The following ASH1L variants were observed in gnomAD, a reference collection of about 807,000 sequenced individuals.
The protein encoded by ASH1L is histone-lysine N-methyltransferase ASH1L.
A neutral mutation model predicts 269.0 loss-of-function variants in ASH1L; 23 were observed. The observed-to-expected ratio is 0.09, with a 90% CI of 0.06 to 0.12. The LOEUF is 0.12. ASH1L is among the 10% of genes least tolerant of loss of function. The pLI, the probability that ASH1L is intolerant of heterozygous loss-of-function variation, is 1.00. For synonymous variants in ASH1L, 1,187 were observed against 1,253.5 expected (o/e 0.95, Z 1.12); for missense variants, 2,912 against 3,567.8 (o/e 0.82, Z 4.68).
chr1:155,446,878 C>T (rs1288417899), intron 4 of ASH1L, among the ~76,000 whole-genome samples: 3 of 152,256 alleles, frequency 2.0e-5, no homozygotes, highest in African/African-American at 4.8e-5. Context: ...GCTGGGATTA[C>T]AGGCGTGAGC....
At chr1:155,441,871 C>A (rs1242962714) in intron 4 of ASH1L, among the ~76,000 whole-genome samples, 1 of 149,502 alleles carries the variant, frequency 6.7e-6, no homozygotes, top group Admixed American at 6.7e-5. Flanking sequence ...GCTCAAGCGA[C>A]CCTCCCACCT....
At chr1:155,446,654 C>T (rs1481408283) in intron 4 of ASH1L, among the ~76,000 whole-genome samples, 6 of 142,818 alleles carry the variant, frequency 4.2e-5, no homozygotes, top group Non-Finnish European at 7.6e-5. Context: ...CGGAGTCTCG[C>T]TCTGTCGCCT....
intron 4 of ASH1L, 127 bp from the exon 5 acceptor site, chr1:155,439,195 T>C: frequency 3.9e-6 from 4 of 1,025,930 alleles, no homozygotes; most frequent in Non-Finnish European, 5.4e-6. Context: ...ATAGGTAAAT[T>C]GATGGTTTAC....
At chr1:155,384,871 TTCCC>T (rs1483795958) in intron 7 of ASH1L, among the ~76,000 whole-genome samples, 1 of 152,188 alleles carries the variant, frequency 6.6e-6, no homozygotes, top group Non-Finnish European at 1.5e-5. Flanking sequence ...GCCCTTTTTT[TTCCC>T]TCCTTCCATG....
chr1:155,354,482 T>C lies in ASH1L; in HGVS notation c.7204A>G (p.Ile2402Val). 3 of 1,607,128 alleles carry C rather than the reference T, an allele frequency of 1.9e-6. No individual in the cohort carries two copies. The highest frequency in any genetic ancestry group is 1.7e-6 in the Non-Finnish European group (2 of 1,178,292). The change falls in exon 16 of 28, where the codon ATC (isoleucine) becomes GTC (valine). Residue 2402 changes from isoleucine (I) to valine (V), a missense_variant. Transcript: ENST00000392403. ...GTTTCAAATGCCTTACCAGACTTGA[T>C]ATTCCCATCATCTCGGCAGATCCCA... is the stretch of plus-strand genomic sequence containing the variant. ...WNGICRDDGN[I>V]KSDVFMTQFS... is the part of the protein sequence containing the mutation.
intron 1 of ASH1L, among the ~76,000 whole-genome samples, chr1:155,538,079 C>T (rs1241970990): frequency 1.3e-5 from 2 of 151,748 alleles, no homozygotes; most frequent in South Asian, 2.1e-4. Flanking sequence ...GGCTGGAGTG[C>T]TGTGGCACCA....
In ASH1L at chr1:155,498,669, G is replaced by A. The variant is rs137922232; in HGVS notation, c.421-16220C>T. ...TTGGTCAGGCTGGTCTTGAACTCCC[G>A]AACTCAGGTAATCTGCCTGCCTCAG... On this transcript the variant is annotated intron_variant, in intron 2 of 27. Coordinates refer to ENST00000392403, the MANE Select transcript of ASH1L (RefSeq NM_018489.3). Among the ~76,000 whole-genome samples, 61 of 151,838 alleles carry A rather than the reference G, an allele frequency of 4.0e-4. No homozygotes were observed. The East Asian group carries it at 0.011, about 27-fold the overall frequency.
At position 155,480,828 on chromosome 1, in the gene ASH1L, A is replaced by T; in HGVS notation, c.2042T>A (p.Phe681Tyr). Reference sequence around the variant, plus strand: ...TGCAGATACTGCACCCAGTTTTAAAAAAGGCTTATTACTAAATAAACTAGT... The same window carrying T: ...TGCAGATACTGCACCCAGTTTTAAATAAGGCTTATTACTAAATAAACTAGT... ...NFTSLFSNKPFLKLGAVSASD... is the reference protein window; with the variant it reads ...NFTSLFSNKPYLKLGAVSASD... The change falls in exon 3 of 28, where the codon TTT becomes TAT. Residue 681 changes from phenylalanine to tyrosine, a missense_variant. By Grantham distance (22) the Phe-to-Tyr change is conservative. Around this residue, in one of 13 missense-constraint regions of ASH1L, gnomAD observed 715 missense variants for 721.0 expected, o/e 0.99. Coordinates refer to ENST00000392403, the MANE Select transcript of ASH1L (RefSeq NM_018489.3). 1 of 1,614,068 alleles carries T rather than the reference A, an allele frequency of 6.2e-7. No homozygotes were observed. The highest frequency in any genetic ancestry group is 2.2e-5 in the East Asian group (1 of 44,894).
At chr1:155,414,319 T>G (rs1660035930) in intron 6 of ASH1L, among the ~76,000 whole-genome samples, 1 of 151,356 alleles carries the variant, frequency 6.6e-6, no homozygotes, top group Non-Finnish European at 1.5e-5. Flanking sequence ...AAAAATTTCT[T>G]TTTTTTTTGA....
chr1:155,563,037 T>A (rs752152414), upstream of ASH1L: 15 of 458,480 alleles, frequency 3.3e-5, no homozygotes, highest in South Asian at 2.3e-4. Context: ...TGACTGGAAT[T>A]GCCAGAATGG....
chr1:155,431,010 G>A (rs1395957594), intron 5 of ASH1L, among the ~76,000 whole-genome samples: 1 of 151,784 alleles, frequency 6.6e-6, no homozygotes, highest in Non-Finnish European at 1.5e-5. Context: ...TCAGGAGTTC[G>A]AGACCACCCT....
rs371551723 is a variant in ASH1L, at chr1:155,479,421, G to T, written c.3449C>A (p.Ala1150Glu). 6.2e-7 allele frequency: 1 copy of T among 1,613,982 alleles called. No homozygotes were observed. Among genetic ancestry groups the T allele is most frequent in the Non-Finnish European group, 8.5e-7 (1 of 1,180,018 alleles). The change falls in exon 3 of 28, where the codon GCA becomes GAA. Residue 1150 changes from alanine to glutamate, a missense_variant. Ala to Glu is a moderately radical substitution (Grantham distance 107, BLOSUM62 -1). Transcript: ENST00000392403. ...CCTCCCCTTTGAGGCCTTCTTCATT[G>T]CAAGAGTCTGAATCATACTGCCCTG... ...SRQGSMIQTL[A>E]MKKASKGRRR... is the part of the protein sequence containing the mutation.
chr1:155,381,778 A>G (rs1571055801), intron 7 of ASH1L, among the ~76,000 whole-genome samples: 1 of 136,464 alleles, frequency 7.3e-6, no homozygotes, highest in African/African-American at 2.7e-5. Flanking sequence ...GGGAGGCTGA[A>G]ATAGGAGAAT....
Position 155,343,860 on chromosome 1 carries a change from C to T in ASH1L, c.7982-118G>A. On this transcript the variant is annotated intron_variant, in intron 22 of 27. Coordinates refer to ENST00000392403, the MANE Select transcript of ASH1L (RefSeq NM_018489.3). The surrounding 1 kb of genome is among the most constrained non-coding windows in gnomAD (Gnocchi z 6.1). ...CTCATAATCTGAAACAGTATAAATA[C>T]AGAGAGCTAAAAGCAGCAGTGTTAA... The T allele has an allele frequency of 8.4e-7, 1 of 1,190,696 alleles. No homozygotes were observed. The highest frequency in any genetic ancestry group is 2.5e-4 in the Middle Eastern group (1 of 3,974). 73.8% of individuals were successfully genotyped at this position (1,190,696 alleles called of 1,614,324 possible).
At chr1:155,526,478 GA>G (rs1195985266) in intron 1 of ASH1L, among the ~76,000 whole-genome samples, 1 of 152,118 alleles carries the variant, frequency 6.6e-6, no homozygotes, top group Non-Finnish European at 1.5e-5. Context: ...GCTAGTCTAA[GA>G]AAAACAATAA....
At position 155,478,062 on chromosome 1, in the gene ASH1L, T is replaced by C. The variant is rs1282367462; in HGVS notation, c.4808A>G (p.His1603Arg). ...TATTGCACTTGTGAAAAGGTTTGTA[T>C]GTTCATCACTGCTGGCTGGCTCAGA... ...PNSEPASSDE[H>R]TNLFTSAIGS... Residue 1603 changes from histidine (H) to arginine (R), a missense_variant, in exon 3 of 28, where the codon CAT becomes CGT. Transcript: ENST00000392403. This position sits in a 1 kb window ranked among gnomAD's most constrained non-coding sequence, Gnocchi z 4.6. 1 of 1,614,222 alleles carries C rather than the reference T, an allele frequency of 6.2e-7. No homozygotes were observed. The highest frequency in any genetic ancestry group is 8.5e-7 in the Non-Finnish European group (1 of 1,180,044).
At chr1:155,499,685 G>A (rs1194973435) in intron 2 of ASH1L, among the ~76,000 whole-genome samples, 1 of 152,154 alleles carries the variant, frequency 6.6e-6, no homozygotes, top group Non-Finnish European at 1.5e-5. Flanking sequence ...CGTATGTGAG[G>A]ATCTCTGGAG....
At chr1:155,469,840 C>T (rs1382540930) in intron 3 of ASH1L, among the ~76,000 whole-genome samples, 1 of 152,188 alleles carries the variant, frequency 6.6e-6, no homozygotes, top group Non-Finnish European at 1.5e-5. Flanking sequence ...GTAATCTCAA[C>T]AAATTATTCC....
intron 2 of ASH1L, among the ~76,000 whole-genome samples, chr1:155,504,516 T>C (rs1467318888): frequency 3.9e-5 from 6 of 152,190 alleles, no homozygotes; most frequent in Admixed American, 6.5e-5. Flanking sequence ...CTATTAATTA[T>C]GCACATATTT....
Sources: gnomAD v4.1 joint callset for allele counts (sites outside exome capture counted in the v4.1 genomes callset) on GRCh38, gnomAD v4.1.1 for gene constraint, gnomAD v4.1.1 regional missense constraint, Gnocchi (gnomAD v3.1) non-coding constraint, MANE v1.5 for transcripts, NCBI Gene and HGNC (gene_info 2026-07-23, HGNC 2026-07-21) for gene names.